The following SKI variants were observed in gnomAD, a reference collection of about 807,000 sequenced individuals.
SKI encodes the protein ski oncogene.
SKI carries 23 observed loss-of-function variants against 59.3 expected under a neutral mutation model. The observed-to-expected ratio is 0.39, with a 90% CI of 0.28 to 0.55. The LOEUF is 0.55. Ranked by LOEUF, SKI falls within the 20% of genes least tolerant of loss-of-function variation. The pLI, the probability that SKI is intolerant of heterozygous loss-of-function variation, is 0.67. For synonymous variants in SKI, 673 were observed against 488.6 expected, an observed-to-expected ratio of 1.38 and a Z score of -4.98; for missense variants, 1,017 against 1,038.9, an observed-to-expected ratio of 0.98 and a Z score of 0.29.
chr1:2,252,634 A>T (rs1639189164), intron 1 of SKI, among the ~76,000 whole-genome samples: 1 of 152,166 alleles, frequency 6.6e-6, no homozygotes, highest in South Asian at 2.1e-4. Flanking sequence ...TTTCTGGCAC[A>T]GTCTGTGGCC....
At chr1:2,252,735 C>T (rs1639190793) in intron 1 of SKI, among the ~76,000 whole-genome samples, 1 of 152,148 alleles carries the variant, frequency 6.6e-6, no homozygotes, top group South Asian at 2.1e-4. Context: ...TGGTGCTCAG[C>T]TCTTCTGGAA....
chr1:2,262,960 C>A (rs987884769), intron 1 of SKI, among the ~76,000 whole-genome samples: 1 of 151,912 alleles, frequency 6.6e-6, no homozygotes, highest in Non-Finnish European at 1.5e-5. Flanking sequence ...AGTGCAATGG[C>A]GCTATCTCGG....
chr1:2,297,769 G>C (rs1640318834), intron 1 of SKI, among the ~76,000 whole-genome samples: 1 of 152,270 alleles, frequency 6.6e-6, no homozygotes, highest in Admixed American at 6.5e-5. Context: ...GCTGTGCCTG[G>C]TTGCGGATGC....
intron 1 of SKI, among the ~76,000 whole-genome samples, chr1:2,247,552 G>A (rs1281409403): frequency 3.3e-5 from 5 of 152,258 alleles, no homozygotes; most frequent in African/African-American, 1.2e-4. Context: ...TGGGTGGTGT[G>A]GTGGACCCGG....
At chr1:2,248,851 C>T (rs891552983) in intron 1 of SKI, among the ~76,000 whole-genome samples, 1 of 152,224 alleles carries the variant, frequency 6.6e-6, no homozygotes, top group African/African-American at 2.4e-5. Context: ...GGCTGGGCTA[C>T]CTTCCTACTC....
intron 1 of SKI, among the ~76,000 whole-genome samples, chr1:2,293,151 G>A (rs998298593): frequency 6.6e-6 from 1 of 152,216 alleles, no homozygotes; most frequent in African/African-American, 2.4e-5. Context: ...GAGCGGGGCA[G>A]GCCAGTGTGA....
chr1:2,253,637 C>G (rs1262563875), intron 1 of SKI, among the ~76,000 whole-genome samples: 1 of 152,248 alleles, frequency 6.6e-6, no homozygotes, highest in African/African-American at 2.4e-5. Context: ...TGTGCACTTA[C>G]TAAATGAGCC....
At chr1:2,236,780 G>C (rs1638757818) in intron 1 of SKI, among the ~76,000 whole-genome samples, 1 of 152,152 alleles carries the variant, frequency 6.6e-6, no homozygotes, top group African/African-American at 2.4e-5. Flanking sequence ...TCCATATTGA[G>C]GGCTGGGAAG....
rs1639549913 is a variant in SKI, at chr1:2,268,682, T to C, written c.970-34296T>C. 6.6e-6 allele frequency among the ~76,000 whole-genome samples: 1 copy of C among 152,186 alleles called. No homozygotes were observed. The highest frequency in any genetic ancestry group is 2.1e-4 in the South Asian group (1 of 4,836). ...GACGGAGAAATGAGGCTTGGAGTCT[T>C]TTTCTGGCCTGTGAGGGCTGCAGAG... On this transcript the variant is annotated intron_variant, in intron 1 of 6. Coordinates refer to ENST00000378536, the MANE Select transcript of SKI (RefSeq NM_003036.4). This position sits in a 1 kb window ranked among gnomAD's most constrained non-coding sequence, Gnocchi z 5.0.
chr1:2,280,592 G>A (rs915789494), intron 1 of SKI, among the ~76,000 whole-genome samples: 1 of 148,644 alleles, frequency 6.7e-6, no homozygotes, highest in Non-Finnish European at 1.5e-5. Context: ...CGGCGGCGGC[G>A]ATCTTCAGAG....
intron 1 of SKI, among the ~76,000 whole-genome samples, chr1:2,258,056 A>C (rs1399382577): frequency 6.6e-6 from 1 of 152,222 alleles, no homozygotes; most frequent in Non-Finnish European, 1.5e-5. Context: ...ATTTTAAGTA[A>C]ATGTTGACAT....
At chr1:2,233,206 GCCGGGGTTTCTGTT>G (rs1638680683) in intron 1 of SKI, among the ~76,000 whole-genome samples, 1 of 150,370 alleles carries the variant, frequency 6.7e-6, no homozygotes, top group African/African-American at 2.4e-5. Context: ...CTCCGAGGGG[GCCGGGGTTTCTGTT>G]CCAACAGGGC....
At chr1:2,300,230 C>G (rs1445091471) in intron 1 of SKI, among the ~76,000 whole-genome samples, 1 of 152,366 alleles carries the variant, frequency 6.6e-6, no homozygotes, top group Admixed American at 6.5e-5. Flanking sequence ...CGCGGTGTGT[C>G]GTCTGGCCTC....
chr1:2,273,524 G>C (rs1350330456), intron 1 of SKI, among the ~76,000 whole-genome samples: 1 of 152,190 alleles, frequency 6.6e-6, no homozygotes, highest in African/African-American at 2.4e-5. Flanking sequence ...CCCTGCCTCT[G>C]TTACTGAGCT....
chr1:2,294,561 G>A (rs909748856), intron 1 of SKI, among the ~76,000 whole-genome samples: 1 of 152,258 alleles, frequency 6.6e-6, no homozygotes, highest in Admixed American at 6.5e-5. Context: ...GAACCGGTAA[G>A]CCCAGGGCCA....
intron 1 of SKI, among the ~76,000 whole-genome samples, chr1:2,276,122 T>G (rs1639737260): frequency 6.6e-6 from 1 of 152,192 alleles, no homozygotes; most frequent in Non-Finnish European, 1.5e-5. Flanking sequence ...AGGAGTGGCA[T>G]TTACTGTGAT....
intron 4 of SKI, 27 bp downstream of exon 4, chr1:2,304,129 C>T (rs926930293): frequency 6.2e-7 from 1 of 1,610,480 alleles, no homozygotes; most frequent in Non-Finnish European, 8.5e-7. Flanking sequence ...TTCTGTGCCT[C>T]CTCCCTGTGG....
intron 1 of SKI, among the ~76,000 whole-genome samples, chr1:2,253,264 G>A (rs899136985): frequency 1.3e-5 from 2 of 152,016 alleles, no homozygotes; most frequent in African/African-American, 2.4e-5. Context: ...CACCCGGGCC[G>A]GTATCACGGG....
intron 1 of SKI, among the ~76,000 whole-genome samples, chr1:2,295,172 G>A (rs1640255248): frequency 6.6e-6 from 1 of 152,196 alleles, no homozygotes; most frequent in Admixed American, 6.5e-5. Flanking sequence ...CCTTCCTGGT[G>A]TCCTGTGTGT....
Sources: gnomAD v4.1 joint callset for allele counts (sites outside exome capture counted in the v4.1 genomes callset) on GRCh38, gnomAD v4.1.1 for gene constraint, Gnocchi (gnomAD v3.1) non-coding constraint, MANE v1.5 for transcripts, NCBI Gene and HGNC (gene_info 2026-07-23, HGNC 2026-07-21) for gene names.